The following SPTBN1 variants were observed in gnomAD, a reference collection of about 807,000 sequenced individuals.
SPTBN1 encodes spectrin beta, non-erythrocytic 1, also known as spectrin beta chain, non-erythrocytic 1.
A neutral mutation model predicts 266.4 loss-of-function variants in SPTBN1; 32 were observed. The ratio of observed to expected loss-of-function variants is 0.12; its 90% CI spans 0.09 to 0.16. The LOEUF (loss-of-function observed/expected upper bound fraction) is 0.16, where lower values mean the gene tolerates loss of function less well. Among genes scored for constraint, SPTBN1 ranks in the 10% least tolerant of loss-of-function variants. The pLI is 1.00. For synonymous variants in SPTBN1, 1,336 were observed against 1,162.2 expected, an observed-to-expected ratio of 1.15 and a Z score of -3.04; for missense variants, 2,296 against 3,067.1, an observed-to-expected ratio of 0.75 and a Z score of 5.94.
At position 54,622,860 on chromosome 2, in the gene SPTBN1, T is replaced by C. The variant is rs1678086324; in HGVS notation, c.1064+373T>C. On this transcript the variant is annotated intron_variant, in intron 9 of 35. Transcript: ENST00000356805. Reference sequence around the variant, plus strand: ...AAGACCCCAGATGGGACTAAGGCAATAGCCCATAAGCCCAGTAAGTATCTG... The same window carrying C: ...AAGACCCCAGATGGGACTAAGGCAACAGCCCATAAGCCCAGTAAGTATCTG... 5.9e-5 allele frequency among the ~76,000 whole-genome samples: 9 copies of C among 152,332 alleles called. No homozygotes were observed. In the South Asian group the frequency reaches 1.9e-3, roughly 32 times the overall value.
At chr2:54,503,212 C>G (rs1013311177) in intron 1 of SPTBN1, among the ~76,000 whole-genome samples, 1 of 152,234 alleles carries the variant, frequency 6.6e-6, no homozygotes, top group Non-Finnish European at 1.5e-5. Flanking sequence ...ATATTATGCT[C>G]AGCTTTTTTG....
Position 54,540,868 on chromosome 2 carries a change from A to G in SPTBN1, c.148+14302A>G, listed in dbSNP as rs148547425. 6.6e-5 allele frequency among the ~76,000 whole-genome samples: 10 copies of G among 152,340 alleles called. No homozygotes were observed. The East Asian group carries it at 1.9e-3, about 29-fold the overall frequency. ...ATAGGGAATGGAATGTTAAAATTGT[A>G]GTAGTTTATACGTAGATTACCTCTA... is the stretch of plus-strand genomic sequence containing the variant. On this transcript the variant is annotated intron_variant, in intron 2 of 35. Coordinates refer to ENST00000356805, the MANE Select transcript of SPTBN1 (RefSeq NM_003128.3). The surrounding 1 kb of genome is among the most constrained non-coding windows in gnomAD (Gnocchi z 5.6).
At chr2:54,663,214 C>T (rs977667283) in intron 32 of SPTBN1, 1 of 152,144 alleles carries the variant, frequency 6.6e-6, no homozygotes, top group African/African-American at 2.4e-5. Context: ...GCCAGTCTAC[C>T]GTTTATCTTG....
At chr2:54,459,192 G>A (rs1453635469) in intron 1 of SPTBN1, among the ~76,000 whole-genome samples, 1 of 152,214 alleles carries the variant, frequency 6.6e-6, no homozygotes, top group African/African-American at 2.4e-5. Context: ...GTCATTACTG[G>A]AGTGACCAAA....
rs996051277 is a variant in SPTBN1, at chr2:54,654,004, A to G, written c.5822+151A>G. 8.4e-6 allele frequency: 10 copies of G among 1,195,738 alleles called. No homozygotes were observed. The African/African-American group carries it at 1.6e-4, about 19-fold the overall frequency. The allele number at this position is 1,195,738 out of a possible 1,614,324, so 74.1% of individuals were successfully genotyped here. A position where few individuals can be genotyped will look rare whatever the true frequency, so the allele number is the denominator to read the frequency against. ...GGGGCGGTGCTTGGAGTGCGGCACC[A>G]CTGCTTGCCTCGTGCACTTGGCTCG... On this transcript the variant is annotated intron_variant, in intron 27 of 35. Coordinates refer to ENST00000356805, the MANE Select transcript of SPTBN1 (RefSeq NM_003128.3).
rs564207411 is a variant in SPTBN1 at position 54,498,784 on chromosome 2, G to A, written c.-47-27588G>A. Among the ~76,000 whole-genome samples the A allele has an allele frequency of 1.1e-4, 16 of 152,292 alleles. No individual in the cohort carries two copies. In the South Asian group the frequency reaches 3.3e-3, roughly 32 times the overall value. The stretch of plus-strand genomic sequence containing the variant: ...GAAAAGTCATTTATTTGATAAATAT[G>A]TCTGGAGCCCGTACTTTATGCCAAA... On this transcript the variant is annotated intron_variant, in intron 1 of 35. Transcript: ENST00000356805.
chr2:54,487,173 T>A (rs1668443033), intron 1 of SPTBN1, among the ~76,000 whole-genome samples: 1 of 130,768 alleles, frequency 7.6e-6, no homozygotes, highest in African/African-American at 2.5e-5. Context: ...AGGATTTCTT[T>A]TTTTTTTTTT....
Position 54,558,609 on chromosome 2 carries a change from C to T in SPTBN1, c.148+32043C>T, listed in dbSNP as rs200140647. ...TAACTCCTCGCGGAGCTAAGGTGGA[C>T]TCTCTTGCAGCCAACTTCCCATCAG... On this transcript the variant is annotated intron_variant, in intron 2 of 35. Transcript: ENST00000356805. This position sits in a 1 kb window ranked among gnomAD's most constrained non-coding sequence, Gnocchi z 4.6. 7.0e-7 allele frequency: 1 copy of T among 1,418,866 alleles called. No homozygotes were observed. The highest frequency in any genetic ancestry group is 3.1e-5 in the Admixed American group (1 of 32,040). 87.9% of individuals were successfully genotyped at this position (1,418,866 alleles called of 1,614,324 possible). A position where few individuals can be genotyped will look rare whatever the true frequency, so the allele number is the denominator to read the frequency against.
At chr2:54,589,002 A>G (rs758929015) in intron 2 of SPTBN1, among the ~76,000 whole-genome samples, 2 of 152,154 alleles carry the variant, frequency 1.3e-5, no homozygotes, top group African/African-American at 2.4e-5. Context: ...TAATATAGGT[A>G]TGTGATGCTT....
Position 54,664,909 on chromosome 2 carries a change from C to T in SPTBN1, c.6659+218C>T, listed in dbSNP as rs1681276161. 1.8e-6 allele frequency: 1 copy of T among 556,090 alleles called. No homozygotes were observed. Among genetic ancestry groups the T allele is most frequent in the Non-Finnish European group, 3.2e-6 (1 of 312,730 alleles). 34.4% of individuals were successfully genotyped at this position (556,090 alleles called of 1,614,324 possible). ...AAGAGTTGAGTTTGGATGGGAGTAGCTAGAAGGGGCTTTAGTAGTTCATCT... is the reference window on the plus strand; with the variant it reads ...AAGAGTTGAGTTTGGATGGGAGTAGTTAGAAGGGGCTTTAGTAGTTCATCT... On this transcript the variant is annotated intron_variant, in intron 33 of 35. Transcript: ENST00000356805. This position sits in a 1 kb window ranked among gnomAD's most constrained non-coding sequence, Gnocchi z 5.6.
intron 1 of SPTBN1, among the ~76,000 whole-genome samples, chr2:54,491,970 A>G (rs181116837): frequency 6.6e-6 from 1 of 152,330 alleles, no homozygotes; most frequent in Non-Finnish European, 1.5e-5. Context: ...AATAGGCAGC[A>G]TGGCTGGTAA....
chr2:54,529,851 CCAAAAAAAAA>C (rs1671100463), intron 2 of SPTBN1: 1 of 59,508 alleles, frequency 1.7e-5, no homozygotes. Context: ...TCTCTTTTCA[CCAAAAAAAAA>C]AAAAAAAAAA....
intron 17 of SPTBN1, among the ~76,000 whole-genome samples, chr2:54,636,038 T>C (rs34311770): frequency 0.15 from 23,113 of 152,262 alleles, 1,841 homozygotes; most frequent in Middle Eastern, 0.21. Flanking sequence ...AAGCAGTAAA[T>C]GTCTGACATT....
intron 7 of SPTBN1, among the ~76,000 whole-genome samples, chr2:54,619,369 A>T (rs1206364680): frequency 6.6e-6 from 1 of 152,224 alleles, no homozygotes; most frequent in African/African-American, 2.4e-5. Context: ...TATGGGAAGG[A>T]ATTTTTCCTT....
At chr2:54,616,780 A>C (rs1165290491) in intron 5 of SPTBN1, among the ~76,000 whole-genome samples, 1 of 152,116 alleles carries the variant, frequency 6.6e-6, no homozygotes, top group Non-Finnish European at 1.5e-5. Context: ...GTTGCTTACT[A>C]TTGTTAGGAC....
At chr2:54,545,828 T>C (rs1235741993) in intron 2 of SPTBN1, among the ~76,000 whole-genome samples, 1 of 152,076 alleles carries the variant, frequency 6.6e-6, no homozygotes, top group Admixed American at 6.5e-5. Context: ...TATATGCTCT[T>C]AGGGAGTTAG....
At chr2:54,556,063 G>A (rs967618610) in intron 2 of SPTBN1, among the ~76,000 whole-genome samples, 1 of 152,218 alleles carries the variant, frequency 6.6e-6, no homozygotes, top group Admixed American at 6.5e-5. Flanking sequence ...ACCTGGCAGT[G>A]TGCCTTGCAC....
At position 54,649,929 on chromosome 2, in the gene SPTBN1, G is replaced by A. The variant is rs1341406889; in HGVS notation, c.5517G>A (p.Val1839=). 6.2e-7 allele frequency: 1 copy of A among 1,614,120 alleles called. No homozygotes were observed. The highest frequency in any genetic ancestry group is 8.5e-7 in the Non-Finnish European group (1 of 1,180,040). ...PEELGRDQNT[V]ETLQRMHTTF... ...AGCTTGGGAGAGATCAGAACACAGT[G>A]GAGACCTTACAGAGAATGCACACTA... is the stretch of plus-strand genomic sequence containing the variant. The change falls in exon 26 of 36, where the codon GTG becomes GTA. Residue 1839 remains valine, a synonymous_variant. Transcript: ENST00000356805. The surrounding 1 kb of genome is among the most constrained non-coding windows in gnomAD (Gnocchi z 6.7).
chr2:54,515,218 A>G (rs1013581925), intron 1 of SPTBN1, among the ~76,000 whole-genome samples: 1 of 152,080 alleles, frequency 6.6e-6, no homozygotes, highest in Non-Finnish European at 1.5e-5. Flanking sequence ...ACCCCTACCA[A>G]TCAGAACTGC....
Sources: gnomAD v4.1 joint callset for allele counts (sites outside exome capture counted in the v4.1 genomes callset) on GRCh38, gnomAD v4.1.1 for gene constraint, Gnocchi (gnomAD v3.1) non-coding constraint, MANE v1.5 for transcripts, NCBI Gene and HGNC (gene_info 2026-07-23, HGNC 2026-07-21) for gene names.